ANO2: variants seen among roughly 807,000 people sequenced by gnomAD.
ANO2 encodes the protein anoctamin-2.
Under a neutral mutation model 124.2 loss-of-function variants are expected in ANO2, and 101 were observed. The ratio of observed to expected loss-of-function variants is 0.81; its 90% confidence interval spans 0.69 to 0.96. ANO2 has a LOEUF of 0.96. Ranked by LOEUF, ANO2 falls within the 40% of genes least tolerant of loss-of-function variation. ANO2 has a pLI of 0.00. For missense variants in ANO2, 1,293 were observed against 1,274.5 expected (o/e 1.01, Z -0.22); for synonymous variants, 486 against 482.5 (o/e 1.01, Z -0.09).
chr12:5,736,160 C>T (rs572353472), intron 13 of ANO2, among the ~76,000 whole-genome samples: 3 of 152,348 alleles, frequency 2.0e-5, no homozygotes, highest in African/African-American at 7.2e-5. Flanking sequence ...ACAGGCAGAC[C>T]TGCACTGGCC....
chr12:5,577,613 T>C (rs1165756354), intron 22 of ANO2, among the ~76,000 whole-genome samples: 1 of 152,174 alleles, frequency 6.6e-6, no homozygotes, highest in African/African-American at 2.4e-5. Flanking sequence ...AACTCAGGAG[T>C]AGAGTAAGAA....
At chr12:5,627,461 C>A (rs557498548) in intron 16 of ANO2, among the ~76,000 whole-genome samples, 6 of 152,202 alleles carry the variant, frequency 3.9e-5, no homozygotes, top group Non-Finnish European at 5.9e-5. Context: ...CTGCAGCCCA[C>A]GCCGGCCAGG....
intron 13 of ANO2, among the ~76,000 whole-genome samples, chr12:5,736,632 T>C (rs191660641): frequency 6.6e-5 from 10 of 152,310 alleles, no homozygotes; most frequent in Admixed American, 6.5e-4. Context: ...CCTAGGACCC[T>C]TGTTCAAGTC....
At chr12:5,738,669 A>T (rs765507352) in intron 13 of ANO2, among the ~76,000 whole-genome samples, 1 of 152,184 alleles carries the variant, frequency 6.6e-6, no homozygotes, top group Non-Finnish European at 1.5e-5. Flanking sequence ...CATGGGAGCA[A>T]GCACGACACA....
chr12:5,922,838 C>G, intron 1 of ANO2, 34 bp from the exon 2 acceptor site: 1 of 1,462,644 alleles, frequency 6.8e-7, no homozygotes, highest in Non-Finnish European at 9.0e-7. Context: ...GGCAAAACAG[C>G]CTCAGGTGAA....
intron 21 of ANO2, 26 bp from the exon 22 acceptor site, chr12:5,578,033 G>A: frequency 6.2e-7 from 1 of 1,611,588 alleles, no homozygotes; most frequent in Non-Finnish European, 8.5e-7. Context: ...GACAGCGTCT[G>A]GCTCACTCCC....
chr12:5,886,258 A>G (rs1051768270), intron 3 of ANO2, among the ~76,000 whole-genome samples: 41 of 152,276 alleles, frequency 2.7e-4, no homozygotes, highest in African/African-American at 9.6e-4. Flanking sequence ...ATGGATAAAC[A>G]AAATGTGGTA....
rs141377994 is a variant in ANO2 at position 5,627,256 on chromosome 12, C to A, written c.1816+7896G>T. Among the ~76,000 whole-genome samples, 289 of 152,180 alleles carry A rather than the reference C, an allele frequency of 1.9e-3. 1 individual carries two copies. The highest frequency in any genetic ancestry group is 2.2e-3 in the Admixed American group (34 of 15,294). On this transcript the variant is annotated intron_variant, in intron 16 of 24. Transcript: ENST00000682330. ...GGGGGTCCCCCAACAAGCATAGAAT[C>A]CCCCCTGGCCAGACCCTGGGAGGTT... is the stretch of plus-strand genomic sequence containing the variant.
At chr12:5,613,995 G>A (rs533190905) in intron 17 of ANO2, among the ~76,000 whole-genome samples, 1 of 152,292 alleles carries the variant, frequency 6.6e-6, no homozygotes, top group Non-Finnish European at 1.5e-5. Context: ...CTGTGGTTTG[G>A]ATGACAAACA....
chr12:5,714,452 C>A lies in ANO2; in HGVS notation c.1545+18068G>T, dbSNP rs1037074707. The stretch of plus-strand genomic sequence containing the variant: ...AGCACCACGACTGACAAGCTGGGTG[C>A]CACTGCCACCTTTGTTTCCTGCCTG... On this transcript the variant is annotated intron_variant, in intron 14 of 24. Coordinates refer to ENST00000682330, the MANE Select transcript of ANO2 (RefSeq NM_001364791.2). 5.9e-5 allele frequency among the ~76,000 whole-genome samples: 9 copies of A among 152,274 alleles called. No individual in the cohort carries two copies. The East Asian group carries it at 1.7e-3, about 29-fold the overall frequency.
chr12:5,818,739 C>T (rs938026850), intron 7 of ANO2, among the ~76,000 whole-genome samples: 43 of 151,754 alleles, frequency 2.8e-4, no homozygotes, highest in African/African-American at 9.4e-4. Flanking sequence ...GAGAGTTATG[C>T]AAAATAAATG....
chr12:5,640,608 A>G (rs1946299622), intron 15 of ANO2, among the ~76,000 whole-genome samples: 1 of 152,248 alleles, frequency 6.6e-6, no homozygotes, highest in Non-Finnish European at 1.5e-5. Context: ...TATGCAGCCA[A>G]CAGACACATG....
At chr12:5,768,254 T>A (rs373689110) in intron 10 of ANO2, among the ~76,000 whole-genome samples, 10 of 152,286 alleles carry the variant, frequency 6.6e-5, no homozygotes, top group South Asian at 6.2e-4. Flanking sequence ...TAATCAGTCC[T>A]CAACCCTCCC....
chr12:5,779,846 T>C (rs1952333121), intron 10 of ANO2, among the ~76,000 whole-genome samples: 1 of 152,198 alleles, frequency 6.6e-6, no homozygotes, highest in South Asian at 2.1e-4. Context: ...CCTCAAAAAT[T>C]TCAATGTCAT....
intron 1 of ANO2, among the ~76,000 whole-genome samples, chr12:5,929,352 G>A (rs61908429): frequency 0.23 from 1,423 of 6,322 alleles, 348 homozygotes; most frequent in African/African-American, 0.3. Flanking sequence ...TCACTCGTCT[G>A]CCTTCTTTCC....
At chr12:5,896,560 G>A (rs1939805666) in intron 3 of ANO2, among the ~76,000 whole-genome samples, 1 of 152,130 alleles carries the variant, frequency 6.6e-6, no homozygotes, top group South Asian at 2.1e-4. Flanking sequence ...GATGAAAACA[G>A]TACCATTGAA....
intron 23 of ANO2, among the ~76,000 whole-genome samples, chr12:5,569,954 A>C (rs1436407075): frequency 6.6e-6 from 1 of 152,232 alleles, no homozygotes; most frequent in African/African-American, 2.4e-5. Context: ...TAAAAAGTTC[A>C]AAATGGTAAA....
intron 2 of ANO2, 41 bp from the exon 3 acceptor site, chr12:5,921,407 G>GT: frequency 6.3e-7 from 1 of 1,580,312 alleles, no homozygotes; most frequent in African/African-American, 1.3e-5. Context: ...GGTCTGGTGA[G>GT]TAAGGGGTGA....
At chr12:5,732,697 C>T in intron 13 of ANO2, 67 bp from the exon 14 acceptor site, 1 of 1,543,352 alleles carries the variant, frequency 6.5e-7, no homozygotes. Flanking sequence ...AGGGTTATAA[C>T]CAGACACATG....
Sources: allele counts gnomAD v4.1 joint callset (sites outside exome capture counted in the v4.1 genomes callset), GRCh38; gene constraint gnomAD v4.1.1; transcripts MANE v1.5; gene names NCBI Gene and HGNC (gene_info 2026-07-23, HGNC 2026-07-21).